The following MB21D2 variants were observed in gnomAD, a reference collection of about 807,000 sequenced individuals.
MB21D2 encodes the protein nucleotidyltransferase MB21D2.
MB21D2 carries 9 observed loss-of-function variants against 33.3 expected under a neutral mutation model. The ratio of observed to expected loss-of-function variants is 0.27; its 90% CI spans 0.16 to 0.47. The LOEUF (loss-of-function observed/expected upper bound fraction) is 0.47. Ranked by LOEUF, MB21D2 falls within the 20% of genes least tolerant of loss-of-function variation. The pLI is 0.99. For missense variants in MB21D2, 540 were observed against 624.6 expected (o/e 0.86, Z 1.44); for synonymous variants, 241 against 236.3 (o/e 1.02, Z -0.18).
intron 1 of MB21D2, among the ~76,000 whole-genome samples, chr3:192,857,737 A>G (rs2108632287): frequency 6.6e-6 from 1 of 152,260 alleles, no homozygotes; most frequent in African/African-American, 2.4e-5. Context: ...TCCTTCTGAG[A>G]CCATCTCATC....
At chr3:192,818,783 C>T (rs1711981354) in intron 1 of MB21D2, among the ~76,000 whole-genome samples, 1 of 151,706 alleles carries the variant, frequency 6.6e-6, no homozygotes, top group Admixed American at 6.6e-5. Flanking sequence ...TTTTTTAATG[C>T]AATTATGCAG....
intron 1 of MB21D2, among the ~76,000 whole-genome samples, chr3:192,861,923 G>A (rs1246170408): frequency 6.6e-6 from 1 of 152,162 alleles, no homozygotes; most frequent in Non-Finnish European, 1.5e-5. Flanking sequence ...CAATAAAAGT[G>A]TTTCAACAAA....
intron 1 of MB21D2, among the ~76,000 whole-genome samples, chr3:192,860,348 T>C (rs1028455233): frequency 6.6e-5 from 10 of 152,234 alleles, no homozygotes; most frequent in African/African-American, 2.4e-4. Flanking sequence ...TTTTAAAATG[T>C]GGGCATTATT....
At position 192,886,822 on chromosome 3, in the gene MB21D2, C is replaced by T. The variant is rs1045605508; in HGVS notation, c.211+30808G>A. ...CACAGTACCTTTTTACCTAAAATAACGAAAGAGTAAATATCTTGCCTGATT... is the reference window on the plus strand; with the variant it reads ...CACAGTACCTTTTTACCTAAAATAATGAAAGAGTAAATATCTTGCCTGATT... On this transcript the variant is annotated intron_variant, in intron 1 of 1. Transcript: ENST00000392452. 5.3e-5 allele frequency among the ~76,000 whole-genome samples: 8 copies of T among 152,010 alleles called. No individual in the cohort carries two copies. In the South Asian group the frequency reaches 6.2e-4, roughly 12 times the overall value.
At chr3:192,843,795 T>C (rs1456128176) in intron 1 of MB21D2, among the ~76,000 whole-genome samples, 1 of 152,168 alleles carries the variant, frequency 6.6e-6, no homozygotes, top group African/African-American at 2.4e-5. Context: ...AAATATCCTC[T>C]TCTTTGCCAA....
Position 192,798,876 on chromosome 3 carries a change from G to A in MB21D2, c.986C>T (p.Pro329Leu), listed in dbSNP as rs868273796. ...KLLSRPKAIS[P>L]YHLRSMMLWA... ...GAGCATCATGCTCCGCAGGTGATAG[G>A]GGCTAATAGCCTTGGGCCGGGACAG... Residue 329 changes from proline (P) to leucine (L), a missense_variant, in exon 2 of 2, where the codon CCC (proline) becomes CTC (leucine). Physicochemically the swap from Pro to Leu is moderately conservative, Grantham distance 98 (BLOSUM62 -3). Transcript: ENST00000392452. This position sits in a 1 kb window ranked among gnomAD's most constrained non-coding sequence, Gnocchi z 4.8. The A allele has an allele frequency of 6.2e-7, 1 of 1,613,280 alleles. No homozygotes were observed. The highest frequency in any genetic ancestry group is 8.5e-7 in the Non-Finnish European group (1 of 1,179,728).
At chr3:192,868,320 T>C (rs1246458861) in intron 1 of MB21D2, among the ~76,000 whole-genome samples, 1 of 152,070 alleles carries the variant, frequency 6.6e-6, no homozygotes, top group Non-Finnish European at 1.5e-5. Flanking sequence ...CCCAGTGAAC[T>C]TGAAACACAA....
At position 192,798,709 on chromosome 3, in the gene MB21D2, G is replaced by C. The variant is rs1485677866; in HGVS notation, c.1153C>G (p.Leu385Val). 4 of 1,613,240 alleles carry C rather than the reference G, an allele frequency of 2.5e-6. No homozygotes were observed. The highest frequency in any genetic ancestry group is 3.4e-6 in the Non-Finnish European group (4 of 1,180,034). ...PNYFIPQCNM[L>V]EHLSEETVML... is the part of the protein sequence containing the mutation. ...ACTGTCTCCTCAGACAGATGTTCCA[G>C]CATGTTGCACTGAGGGATGAAATAA... Residue 385 changes from leucine (L) to valine (V), a missense_variant, in exon 2 of 2, where the codon CTG becomes GTG. Physicochemically the swap from Leu to Val is conservative, Grantham distance 32. Coordinates refer to ENST00000392452, the MANE Select transcript of MB21D2 (RefSeq NM_178496.4). This position sits in a 1 kb window ranked among gnomAD's most constrained non-coding sequence, Gnocchi z 4.8.
chr3:192,917,138 G>A (rs529603884), intron 1 of MB21D2, among the ~76,000 whole-genome samples: 8 of 152,372 alleles, frequency 5.3e-5, no homozygotes, highest in African/African-American at 1.7e-4. Flanking sequence ...CGAGACGACA[G>A]AAGCAACTTG....
chr3:192,867,275 C>CA (rs1471298792), intron 1 of MB21D2, among the ~76,000 whole-genome samples: 1 of 152,134 alleles, frequency 6.6e-6, no homozygotes, highest in East Asian at 1.9e-4. Flanking sequence ...ACAACACAAT[C>CA]AAAACAGGCT....
At chr3:192,817,586 G>C (rs1711955777) in intron 1 of MB21D2, among the ~76,000 whole-genome samples, 1 of 152,112 alleles carries the variant, frequency 6.6e-6, no homozygotes, top group Admixed American at 6.5e-5. Flanking sequence ...TACCACCAGA[G>C]CCCTGCACCA....
intron 1 of MB21D2, among the ~76,000 whole-genome samples, chr3:192,873,177 G>C (rs1440789584): frequency 6.6e-6 from 1 of 152,062 alleles, no homozygotes; most frequent in Non-Finnish European, 1.5e-5. Flanking sequence ...AATTTGACAA[G>C]GGCTACAATA....
intron 1 of MB21D2, among the ~76,000 whole-genome samples, chr3:192,855,961 G>A (rs1231511917): frequency 1.3e-5 from 2 of 152,190 alleles, no homozygotes; most frequent in African/African-American, 4.8e-5. Flanking sequence ...GGGGGCTGAG[G>A]CAGGAGAATC....
chr3:192,831,275 T>G (rs746621706), intron 1 of MB21D2, among the ~76,000 whole-genome samples: 1 of 152,138 alleles, frequency 6.6e-6, no homozygotes, highest in African/African-American at 2.4e-5. Context: ...TTCCCAGCCA[T>G]GTGAGTCCGG....
At chr3:192,916,098 T>TTA (rs55749042) in intron 1 of MB21D2, among the ~76,000 whole-genome samples, 24,344 of 138,950 alleles carry the variant, frequency 0.18, 2,682 homozygotes, top group African/African-American at 0.32. Flanking sequence ...CTACCAGGTT[T>TTA]TATATATATA....
intron 1 of MB21D2, among the ~76,000 whole-genome samples, chr3:192,887,049 G>A (rs1713747868): frequency 6.6e-6 from 1 of 151,894 alleles, no homozygotes; most frequent in Non-Finnish European, 1.5e-5. Flanking sequence ...ATACAAACAG[G>A]GCTACCAATT....
chr3:192,824,071 G>A (rs887167113), intron 1 of MB21D2, among the ~76,000 whole-genome samples: 3 of 152,046 alleles, frequency 2.0e-5, no homozygotes, highest in Non-Finnish European at 4.4e-5. Context: ...GTAGGAATAG[G>A]GTTAGATCAC....
intron 1 of MB21D2, among the ~76,000 whole-genome samples, chr3:192,824,813 C>T (rs1199590878): frequency 2.6e-5 from 4 of 152,162 alleles, no homozygotes; most frequent in South Asian, 2.1e-4. Context: ...CATGTTCCTA[C>T]GTCAAGCAAA....
At chr3:192,889,681 C>G (rs1157264481) in intron 1 of MB21D2, among the ~76,000 whole-genome samples, 1 of 152,016 alleles carries the variant, frequency 6.6e-6, no homozygotes, top group Non-Finnish European at 1.5e-5. Context: ...GGGTGACTCT[C>G]AAGCCCAAGC....
Sources: gnomAD v4.1 joint callset for allele counts (sites outside exome capture counted in the v4.1 genomes callset) on GRCh38, gnomAD v4.1.1 for gene constraint, Gnocchi (gnomAD v3.1) non-coding constraint, MANE v1.5 for transcripts, NCBI Gene and HGNC (gene_info 2026-07-23, HGNC 2026-07-21) for gene names.